The following SORCS3 variants were observed in gnomAD, a reference collection of about 807,000 sequenced individuals.
The protein encoded by SORCS3 is sortilin related VPS10 domain containing receptor 3, also known as VPS10 domain-containing receptor SorCS3.
A neutral mutation model predicts 146.3 loss-of-function variants in SORCS3; 57 were observed. The ratio of observed to expected loss-of-function variants is 0.39; its 90% CI spans 0.31 to 0.49. The LOEUF (loss-of-function observed/expected upper bound fraction) is 0.49, where lower values mean the gene tolerates loss of function less well. Ranked by LOEUF, SORCS3 falls within the 20% of genes least tolerant of loss-of-function variation. SORCS3 has a pLI of 0.92. For synonymous variants in SORCS3, 653 were observed against 618.5 expected (o/e 1.06, Z -0.83); for missense variants, 1,341 against 1,575.5 (o/e 0.85, Z 2.52).
chr10:104,782,596 C>A lies in SORCS3; in HGVS notation c.628-60196C>A, dbSNP rs1282484812. Among the ~76,000 whole-genome samples, 3 of 152,200 alleles carry A rather than the reference C, an allele frequency of 2.0e-5. No homozygotes were observed. The East Asian group carries it at 5.8e-4, about 29-fold the overall frequency. ...ACAGAATGAGGAGATCACTCCTATT[C>A]CAAGGGAACTCATTCTGTTGTAGAG... is the stretch of plus-strand genomic sequence containing the variant. On this transcript the variant is annotated intron_variant, in intron 1 of 26. Transcript: ENST00000369701.
chr10:104,821,300 A>G (rs1481824032), intron 1 of SORCS3, among the ~76,000 whole-genome samples: 5 of 152,308 alleles, frequency 3.3e-5, no homozygotes, highest in South Asian at 2.1e-4. Context: ...ATAATGGGCC[A>G]CAGATGGAGA....
intron 2 of SORCS3, among the ~76,000 whole-genome samples, chr10:104,908,369 A>T (rs2018930625): frequency 6.6e-6 from 1 of 152,238 alleles, no homozygotes. Flanking sequence ...AAAAGAAAAC[A>T]AGGTGATTTC....
chr10:104,755,243 C>A (rs1238323391), intron 1 of SORCS3, among the ~76,000 whole-genome samples: 1 of 152,204 alleles, frequency 6.6e-6, no homozygotes, highest in Non-Finnish European at 1.5e-5. Context: ...ATTCATACAG[C>A]TGTTCTGCAA....
At chr10:104,844,372 T>C (rs2018180701) in intron 2 of SORCS3, among the ~76,000 whole-genome samples, 1 of 152,128 alleles carries the variant, frequency 6.6e-6, no homozygotes. Flanking sequence ...TATCTTTATA[T>C]TGAAGAACAG....
chr10:104,875,532 G>A (rs2018562861), intron 2 of SORCS3, among the ~76,000 whole-genome samples: 1 of 152,142 alleles, frequency 6.6e-6, no homozygotes, highest in Non-Finnish European at 1.5e-5. Context: ...TCTGAACTTA[G>A]TAGACTATTA....
At chr10:104,836,163 A>G (rs1445942367) in intron 1 of SORCS3, among the ~76,000 whole-genome samples, 1 of 152,170 alleles carries the variant, frequency 6.6e-6, no homozygotes, top group Non-Finnish European at 1.5e-5. Flanking sequence ...ATAGGGACTG[A>G]AACTTTAGAG....
Position 105,011,409 on chromosome 10 carries a change from C to T in SORCS3, c.955-31646C>T, listed in dbSNP as rs145950424. Among the ~76,000 whole-genome samples the T allele has an allele frequency of 9.2e-5, 14 of 152,280 alleles. No homozygotes were observed. The East Asian group carries it at 2.7e-3, about 29-fold the overall frequency. On this transcript the variant is annotated intron_variant, in intron 4 of 26. Transcript: ENST00000369701. The stretch of plus-strand genomic sequence containing the variant: ...TGTCTATTTGCATTGTATGCAAATA[C>T]AGCATACAATATGCATTTCTTTCGT...
chr10:105,242,815 ATTTT>A (rs1485853873), intron 20 of SORCS3, among the ~76,000 whole-genome samples: 3 of 63,174 alleles, frequency 4.7e-5, no homozygotes, highest in African/African-American at 1.2e-4. Context: ...ATTTATATAT[ATTTT>A]TATATATAAA....
At chr10:104,878,572 C>G (rs927540905) in intron 2 of SORCS3, among the ~76,000 whole-genome samples, 1 of 152,028 alleles carries the variant, frequency 6.6e-6, no homozygotes, top group African/African-American at 2.4e-5. Flanking sequence ...GAAAAGATAT[C>G]TGTAAGATAA....
intron 2 of SORCS3, among the ~76,000 whole-genome samples, chr10:104,872,428 C>A (rs2018528107): frequency 6.6e-6 from 1 of 152,126 alleles, no homozygotes; most frequent in South Asian, 2.1e-4. Flanking sequence ...ATAGAGGACT[C>A]AGTCTCAATG....
chr10:105,182,904 T>C (rs1324141076), intron 14 of SORCS3, among the ~76,000 whole-genome samples: 1 of 152,116 alleles, frequency 6.6e-6, no homozygotes, highest in South Asian at 2.1e-4. Flanking sequence ...GGTTTTGCCA[T>C]GTTGCCCAAG....
At position 105,263,739 on chromosome 10, in the gene SORCS3, A is replaced by C; in HGVS notation, c.*365A>C. 4.4e-6 allele frequency: 1 copy of C among 226,424 alleles called. No individual in the cohort carries two copies. The highest frequency in any genetic ancestry group is 8.9e-6 in the Non-Finnish European group (1 of 112,642). 14.0% of individuals were successfully genotyped at this position (226,424 alleles called of 1,614,324 possible). On this transcript the variant is annotated 3_prime_UTR_variant, in exon 27 of 27. Transcript: ENST00000369701. The stretch of plus-strand genomic sequence containing the variant: ...TCATCCCCACAGCAGAATCACCAAC[A>C]CTCTCCGCTTCCCCCAGCACACACA...
At chr10:104,964,909 A>G (rs1219339833) in intron 3 of SORCS3, among the ~76,000 whole-genome samples, 4 of 152,086 alleles carry the variant, frequency 2.6e-5, no homozygotes, top group African/African-American at 9.7e-5. Context: ...ACCATTCTAC[A>G]TTTTGTCATT....
intron 5 of SORCS3, among the ~76,000 whole-genome samples, chr10:105,056,611 T>C (rs908727668): frequency 2.0e-5 from 3 of 152,182 alleles, no homozygotes; most frequent in Non-Finnish European, 4.4e-5. Context: ...GATGCTTAAG[T>C]GCATTTATAT....
intron 1 of SORCS3, among the ~76,000 whole-genome samples, chr10:104,824,568 G>A (rs11192196): frequency 0.12 from 17,782 of 152,250 alleles, 1,140 homozygotes; most frequent in South Asian, 0.25. Flanking sequence ...TCACTTCACT[G>A]TTATTTACAG....
chr10:104,653,216 G>A (rs962872175), intron 1 of SORCS3, among the ~76,000 whole-genome samples: 4 of 152,044 alleles, frequency 2.6e-5, no homozygotes, highest in African/African-American at 7.2e-5. Flanking sequence ...TGTATAAATT[G>A]CTTACAGAGA....
intron 1 of SORCS3, among the ~76,000 whole-genome samples, chr10:104,840,283 G>A (rs1211305019): frequency 6.6e-6 from 1 of 152,198 alleles, no homozygotes; most frequent in Non-Finnish European, 1.5e-5. Flanking sequence ...TGCTCATGAT[G>A]CTTCCTCCAT....
chr10:104,947,920 G>C (rs140416748), intron 3 of SORCS3, among the ~76,000 whole-genome samples: 3 of 152,180 alleles, frequency 2.0e-5, no homozygotes, highest in African/African-American at 7.2e-5. Flanking sequence ...CAGCCTAGAT[G>C]TTACAGTTTT....
chr10:104,892,208 C>T (rs11192222), intron 2 of SORCS3, among the ~76,000 whole-genome samples: 9,580 of 152,192 alleles, frequency 0.063, 938 homozygotes, highest in African/African-American at 0.21. Context: ...ATACTAATAA[C>T]TTAATAGTAA....
Sources: gnomAD v4.1 joint callset for allele counts (sites outside exome capture counted in the v4.1 genomes callset) on GRCh38, gnomAD v4.1.1 for gene constraint, MANE v1.5 for transcripts, NCBI Gene and HGNC (gene_info 2026-07-23, HGNC 2026-07-21) for gene names.